The following STK32C variants were observed in gnomAD, a reference collection of about 807,000 sequenced individuals.
STK32C encodes the protein serine/threonine-protein kinase 32C.
STK32C carries 31 observed loss-of-function variants against 56.5 expected under a neutral mutation model. That is an observed-to-expected ratio of 0.55 (90% CI 0.41 to 0.74). STK32C has a LOEUF of 0.74. STK32C is among the 30% of genes least tolerant of loss of function. The pLI is 0.00. For missense variants in STK32C, 544 were observed against 676.9 expected, an observed-to-expected ratio of 0.80 and a Z score of 2.18; for synonymous variants, 309 against 289.4, an observed-to-expected ratio of 1.07 and a Z score of -0.69.
intron 1 of STK32C, among the ~76,000 whole-genome samples, chr10:132,294,767 C>A (rs1016408247): frequency 6.6e-6 from 1 of 152,196 alleles, no homozygotes; most frequent in Non-Finnish European, 1.5e-5. Flanking sequence ...ATGGACAGCT[C>A]TTCCCCCCAG....
At chr10:132,246,352 G>A (rs1415259526) in intron 1 of STK32C, among the ~76,000 whole-genome samples, 1 of 152,226 alleles carries the variant, frequency 6.6e-6, no homozygotes, top group Non-Finnish European at 1.5e-5. Flanking sequence ...GGGGTTTTGG[G>A]GGAAGCCATG....
At chr10:132,244,490 G>C (rs2063616221) in intron 2 of STK32C, among the ~76,000 whole-genome samples, 1 of 152,174 alleles carries the variant, frequency 6.6e-6, no homozygotes, top group Admixed American at 6.5e-5. Flanking sequence ...GGGCAATGGG[G>C]AGATGCTGGG....
At chr10:132,311,901 AAAAGGCCAC>A (rs1276009141), upstream of STK32C, among the ~76,000 whole-genome samples, 3 of 152,184 alleles carry the variant, frequency 2.0e-5, no homozygotes, top group African/African-American at 4.8e-5. The surrounding 1 kb of genome is among the most constrained non-coding windows in gnomAD (Gnocchi z 4.4). Flanking sequence ...CTTTGGTGGC[AAAAGGCCAC>A]CATTTAACCC....
intron 1 of STK32C, among the ~76,000 whole-genome samples, chr10:132,264,190 T>G (rs2064413848): frequency 6.6e-6 from 1 of 152,212 alleles, no homozygotes; most frequent in South Asian, 2.1e-4. Flanking sequence ...ACATTGTCAA[T>G]GCACTAAACA....
Position 132,226,814 on chromosome 10 carries a change from C to T in STK32C, c.625G>A (p.Gly209Ser), listed in dbSNP as rs571940974. The change falls in exon 4 of 12, where the codon GGC becomes AGC. Residue 209 changes from glycine (G) to serine (S), a missense_variant. Physicochemically the swap from Gly to Ser is moderately conservative, Grantham distance 56. This residue lies in a region of STK32C where 85 missense variants were observed against 149.9 expected (regional missense o/e 0.57). Coordinates refer to ENST00000298630, the MANE Select transcript of STK32C (RefSeq NM_173575.4). ...EMALALDYLR[G>S]QHIIHRDVKP... is the part of the protein sequence containing the mutation. ...ACACACCTGTGGATGATGTGCTGGC[C>T]GCGCAGGTAGTCCAGAGCCAGTGCC... is the stretch of plus-strand genomic sequence containing the variant. 1.2e-5 allele frequency: 20 copies of T among 1,612,992 alleles called. No individual in the cohort carries two copies. Among genetic ancestry groups the T allele is most frequent in the Middle Eastern group, 1.6e-4 (1 of 6,062 alleles).
In STK32C at chr10:132,226,786, C is replaced by T. The variant is rs2306982; in HGVS notation, c.644+9G>A. 20 of 1,610,510 alleles carry T rather than the reference C, an allele frequency of 1.2e-5. No individual in the cohort carries two copies. The highest frequency in any genetic ancestry group is 1.6e-4 in the Middle Eastern group (1 of 6,080). On this transcript the variant is annotated intron_variant, in intron 4 of 11. Transcript: ENST00000298630. ...CAGCAGGTACCTGCGCCGTCTGCCACGCACACACCTGTGGATGATGTGCTG... is the reference window on the plus strand; with the variant it reads ...CAGCAGGTACCTGCGCCGTCTGCCATGCACACACCTGTGGATGATGTGCTG...
chr10:132,288,652 A>G (rs1184354794), intron 1 of STK32C, among the ~76,000 whole-genome samples: 1 of 152,264 alleles, frequency 6.6e-6, no homozygotes, highest in East Asian at 1.9e-4. Flanking sequence ...AAAATTAAAC[A>G]TATTCCTATG....
chr10:132,209,173 G>T lies in STK32C; in HGVS notation c.1252-72C>A, dbSNP rs1337128600. The T allele has an allele frequency of 9.2e-6, 13 of 1,414,488 alleles. No individual in the cohort carries two copies. In the Admixed American group the frequency reaches 2.2e-4, roughly 24 times the overall value. The allele number at this position is 1,414,488 out of a possible 1,614,324, so 87.6% of individuals were successfully genotyped here. On this transcript the variant is annotated intron_variant, in intron 10 of 11. Coordinates refer to ENST00000298630, the MANE Select transcript of STK32C (RefSeq NM_173575.4). Reference sequence around the variant, plus strand: ...TCCGCCCATGTCCCCTCAAGTGAGTGTCTGGGCATCCCCATCGGGCCTCCA... The same window carrying T: ...TCCGCCCATGTCCCCTCAAGTGAGTTTCTGGGCATCCCCATCGGGCCTCCA...
At chr10:132,209,217 G>A (rs1204310150) in intron 10 of STK32C, 116 bp from the exon 11 acceptor site, 54 of 940,628 alleles carry the variant, frequency 5.7e-5, no homozygotes, top group African/African-American at 1.1e-4. Flanking sequence ...TTTGGATGAC[G>A]GCCTCTGGGC....
chr10:132,303,729 T>A (rs2065976480), intron 1 of STK32C, among the ~76,000 whole-genome samples: 1 of 152,260 alleles, frequency 6.6e-6, no homozygotes, highest in South Asian at 2.1e-4. Flanking sequence ...ATGAGTGCCA[T>A]CTTTTAATCT....
intron 10 of STK32C, among the ~76,000 whole-genome samples, chr10:132,222,292 A>G (rs1417085282): frequency 6.9e-6 from 1 of 145,020 alleles, no homozygotes; most frequent in Non-Finnish European, 1.5e-5. Context: ...GTCCCGGCAC[A>G]CATACCTGAT....
At chr10:132,320,583 G>C (rs554765832), downstream of STK32C, among the ~76,000 whole-genome samples, 12 of 152,186 alleles carry the variant, frequency 7.9e-5, no homozygotes, top group South Asian at 6.2e-4. Flanking sequence ...GCCAAGAAGA[G>C]ATCCTTTGGG....
chr10:132,253,876 C>A (rs2064010080), intron 1 of STK32C, among the ~76,000 whole-genome samples: 1 of 152,278 alleles, frequency 6.6e-6, no homozygotes, highest in African/African-American at 2.4e-5. Context: ...TGGCTAGAAC[C>A]TTCCTCCCGC....
intron 1 of STK32C, among the ~76,000 whole-genome samples, chr10:132,292,453 C>T (rs10870288): frequency 0.22 from 32,868 of 152,294 alleles, 4,364 homozygotes; most frequent in Non-Finnish European, 0.31. Context: ...CATCCACACA[C>T]TCATACACAC....
At chr10:132,301,268 G>A (rs2065903605) in intron 1 of STK32C, among the ~76,000 whole-genome samples, 1 of 151,732 alleles carries the variant, frequency 6.6e-6, no homozygotes, top group South Asian at 2.1e-4. Flanking sequence ...CCAAGTAGAA[G>A]GCCTGGTCCT....
chr10:132,236,460 A>T (rs1399850728), intron 2 of STK32C, among the ~76,000 whole-genome samples: 1 of 152,188 alleles, frequency 6.6e-6, no homozygotes, highest in Non-Finnish European at 1.5e-5. Flanking sequence ...CCCCACACAC[A>T]CTGGGCAGCT....
At chr10:132,214,106 G>A (rs2062396616) in intron 10 of STK32C, among the ~76,000 whole-genome samples, 1 of 149,856 alleles carries the variant, frequency 6.7e-6, no homozygotes, top group Admixed American at 6.7e-5. Flanking sequence ...AAATAATAAT[G>A]ACTGGGAATT....
chr10:132,293,995 C>T (rs542946903), intron 1 of STK32C, among the ~76,000 whole-genome samples: 1 of 152,192 alleles, frequency 6.6e-6, no homozygotes, highest in East Asian at 1.9e-4. Flanking sequence ...TCAGGCGGGG[C>T]CAGCATGGGG....
chr10:132,307,496 CG>C lies in STK32C; in HGVS notation c.262+75del. On this transcript the variant is annotated intron_variant, in intron 1 of 11. Coordinates refer to ENST00000298630, the MANE Select transcript of STK32C (RefSeq NM_173575.4). The surrounding 1 kb of genome is among the most constrained non-coding windows in gnomAD (Gnocchi z 4.4). The stretch of plus-strand genomic sequence containing the variant: ...GTCCCGGACACCGGGGGAACCCCTG[CG>C]GGAAAAAGCCGCCCAGCCGCGCCCG... 1 of 1,442,856 alleles carries C rather than the reference CG, an allele frequency of 6.9e-7. No individual in the cohort carries two copies. 89.4% of individuals were successfully genotyped at this position (1,442,856 alleles called of 1,614,324 possible).
Sources: gnomAD v4.1 joint callset for allele counts (sites outside exome capture counted in the v4.1 genomes callset) on GRCh38, gnomAD v4.1.1 for gene constraint, gnomAD v4.1.1 regional missense constraint, Gnocchi (gnomAD v3.1) non-coding constraint, MANE v1.5 for transcripts, NCBI Gene and HGNC (gene_info 2026-07-23, HGNC 2026-07-21) for gene names.